LINGO2: variants seen among roughly 807,000 people sequenced by gnomAD.
LINGO2 encodes leucine-rich repeat and immunoglobulin-like domain-containing nogo receptor-interacting protein 2.
In LINGO2, 14 loss-of-function variants were observed where a neutral mutation model predicts 30.6. The observed-to-expected ratio is 0.46, with a 90% CI of 0.30 to 0.72. LINGO2 has a LOEUF of 0.72. LINGO2 is among the 30% of genes least tolerant of loss of function. The probability of loss-of-function intolerance (pLI) is 0.07; values close to 1 mark genes in which losing one functional copy is unlikely to be tolerated. For missense variants in LINGO2, 729 were observed against 751.7 expected (o/e 0.97, Z 0.35); for synonymous variants, 317 against 288.5 (o/e 1.10, Z -1.00).
the LINGO2 span, among the ~76,000 whole-genome samples, chr9:28,729,180 T>C: frequency 6.6e-6 from 1 of 152,038 alleles, no homozygotes; most frequent in East Asian, 1.9e-4. Flanking sequence ...ATGCTGGATA[T>C]TGAAATAAAC....
intron 3 of LINGO2, among the ~76,000 whole-genome samples, chr9:28,315,422 GAC>G (rs927214853): frequency 3.4e-5 from 5 of 148,582 alleles, no homozygotes; most frequent in Non-Finnish European, 6.0e-5. Context: ...AAAAAAAAAT[GAC>G]ACACTCTTGG....
At chr9:28,578,596 T>C (rs1017396774) in intron 1 of LINGO2, among the ~76,000 whole-genome samples, 1 of 152,186 alleles carries the variant, frequency 6.6e-6, no homozygotes, top group Non-Finnish European at 1.5e-5. Flanking sequence ...GTTTCCTTGC[T>C]GTTAAACAAG....
intron 2 of LINGO2, among the ~76,000 whole-genome samples, chr9:28,380,651 A>G (rs1281837210): frequency 1.3e-5 from 2 of 152,054 alleles, no homozygotes; most frequent in African/African-American, 4.8e-5. Flanking sequence ...GTCAAGCTTA[A>G]TATTTTCTAG....
the LINGO2 span, among the ~76,000 whole-genome samples, chr9:29,041,776 C>T: frequency 6.6e-6 from 1 of 151,868 alleles, no homozygotes; most frequent in South Asian, 2.1e-4. Flanking sequence ...AAATCAGGAT[C>T]AATAAATGAA....
At chr9:28,033,399 A>G (rs1431103950) in intron 4 of LINGO2, among the ~76,000 whole-genome samples, 1 of 152,138 alleles carries the variant, frequency 6.6e-6, no homozygotes, top group Non-Finnish European at 1.5e-5. Flanking sequence ...AGCAGTCATC[A>G]AAGGTTCTTG....
At chr9:28,297,744 T>G (rs1210227693) in intron 3 of LINGO2, among the ~76,000 whole-genome samples, 1 of 152,208 alleles carries the variant, frequency 6.6e-6, no homozygotes, top group Middle Eastern at 3.2e-3. Context: ...CACAACCTCA[T>G]GTAGCTGAGT....
intron 1 of LINGO2, among the ~76,000 whole-genome samples, chr9:28,598,463 C>T (rs1825308927): frequency 7.7e-6 from 1 of 129,658 alleles, no homozygotes; most frequent in East Asian, 2.1e-4. Flanking sequence ...AAAAAAAACG[C>T]CAAATAATGA....
At chr9:29,094,958 T>G in the LINGO2 span, among the ~76,000 whole-genome samples, 1 of 138,030 alleles carries the variant, frequency 7.2e-6, no homozygotes, top group South Asian at 2.3e-4. Flanking sequence ...ATGAAATTCA[T>G]ACATTTTCAT....
chr9:28,340,475 A>G (rs540699471), intron 3 of LINGO2, among the ~76,000 whole-genome samples: 1 of 152,272 alleles, frequency 6.6e-6, no homozygotes, highest in East Asian at 1.9e-4. Context: ...TGAAGACAGA[A>G]TAGTAATATT....
chr9:28,556,565 TA>T lies in LINGO2; in HGVS notation c.-364-80541del, dbSNP rs376529766. 4.9e-4 allele frequency among the ~76,000 whole-genome samples: 75 copies of T among 152,194 alleles called. 1 individual carries two copies. In the East Asian group the frequency reaches 9.1e-3, roughly 18 times the overall value. On this transcript the variant is annotated intron_variant, in intron 1 of 5. Transcript: ENST00000379992. ...AGAATCAATATCGTGAAAATGGCCA[TA>T]CTGCCTAAGGTCATTTACAGATTCA...
the LINGO2 span, among the ~76,000 whole-genome samples, chr9:28,718,043 G>T: frequency 6.6e-6 from 1 of 151,742 alleles, no homozygotes; most frequent in Non-Finnish European, 1.5e-5. Flanking sequence ...AATACAGGAA[G>T]AATATAGGCA....
chr9:28,161,405 G>A (rs888675820), intron 4 of LINGO2, among the ~76,000 whole-genome samples: 1 of 151,962 alleles, frequency 6.6e-6, no homozygotes, highest in Non-Finnish European at 1.5e-5. Flanking sequence ...CTTTGAAAGT[G>A]CAAAAGATAT....
At chr9:28,169,486 G>C (rs1828521960) in intron 4 of LINGO2, among the ~76,000 whole-genome samples, 1 of 152,254 alleles carries the variant, frequency 6.6e-6, no homozygotes, top group South Asian at 2.1e-4. Context: ...TATCAATAAG[G>C]ATAGGAAGTC....
At chr9:28,495,277 A>G (rs915311791) in intron 1 of LINGO2, among the ~76,000 whole-genome samples, 22 of 152,310 alleles carry the variant, frequency 1.4e-4, no homozygotes, top group Admixed American at 6.5e-4. Flanking sequence ...TGTTTTAGAC[A>G]TGAAGTCCTT....
chr9:28,102,113 G>T (rs1210729495), intron 4 of LINGO2, among the ~76,000 whole-genome samples: 3 of 151,700 alleles, frequency 2.0e-5, no homozygotes, highest in Non-Finnish European at 2.9e-5. Flanking sequence ...AAACTGTTTT[G>T]GTCTGTCCCA....
At chr9:28,017,439 C>A (rs1408307396) in intron 4 of LINGO2, among the ~76,000 whole-genome samples, 1 of 152,152 alleles carries the variant, frequency 6.6e-6, no homozygotes, top group Non-Finnish European at 1.5e-5. Context: ...CCTAGAAAAT[C>A]CCATAGTGTC....
At chr9:28,749,541 T>G in the LINGO2 span, among the ~76,000 whole-genome samples, 2 of 151,998 alleles carry the variant, frequency 1.3e-5, no homozygotes, top group South Asian at 4.1e-4. Context: ...AATCTGAAAA[T>G]AGCTTATTGG....
At chr9:28,950,227 T>A in the LINGO2 span, among the ~76,000 whole-genome samples, 4 of 152,138 alleles carry the variant, frequency 2.6e-5, no homozygotes, top group Admixed American at 1.3e-4. Flanking sequence ...ATAAACCAGG[T>A]ATTGATGGAA....
chr9:28,016,343 G>A (rs1288919019), intron 4 of LINGO2, among the ~76,000 whole-genome samples: 1 of 152,016 alleles, frequency 6.6e-6, no homozygotes, highest in Non-Finnish European at 1.5e-5. Context: ...GGCTATCTGA[G>A]GTACAACATG....
Sources: allele counts gnomAD v4.1 joint callset (sites outside exome capture counted in the v4.1 genomes callset), GRCh38; gene constraint gnomAD v4.1.1; transcripts MANE v1.5; gene names NCBI Gene and HGNC (gene_info 2026-07-23, HGNC 2026-07-21).